Variants in MED13 observed in about 807,000 individuals in gnomAD.
MED13 encodes mediator of RNA polymerase II transcription subunit 13.
A neutral mutation model predicts 225.2 loss-of-function variants in MED13; 23 were observed. That is an observed-to-expected ratio of 0.10 (90% CI 0.07 to 0.14). The LOEUF (loss-of-function observed/expected upper bound fraction) is 0.14. Among genes scored for constraint, MED13 ranks in the 10% least tolerant of loss-of-function variants. MED13 has a pLI of 1.00. For missense variants in MED13, 2,197 were observed against 2,594.5 expected, an observed-to-expected ratio of 0.85 and a Z score of 3.33; for synonymous variants, 942 against 889.2, an observed-to-expected ratio of 1.06 and a Z score of -1.06.
chr17:62,042,559 TCAAAAAAAAAAAAAAAAAAAAC>T (rs1420170644), intron 3 of MED13, among the ~76,000 whole-genome samples: 1 of 50,378 alleles, frequency 2.0e-5, no homozygotes, highest in Non-Finnish European at 3.2e-5. Context: ...AGGTTTCATC[TCAAAAAAAAAAAAAAAAAAAAC>T]CAAAAAAACC....
intron 3 of MED13, 55 bp from the exon 4 acceptor site, chr17:62,035,663 A>G (rs1250045563): frequency 2.0e-6 from 3 of 1,524,768 alleles, no homozygotes; most frequent in Middle Eastern, 3.6e-4. Context: ...AAAAATGTTA[A>G]CTTGCTTTTC....
At position 61,964,494 on chromosome 17, in the gene MED13, G is replaced by A. The variant is rs1249495937; in HGVS notation, c.4844+512C>T. 4.6e-5 allele frequency among the ~76,000 whole-genome samples: 7 copies of A among 152,160 alleles called. No individual in the cohort carries two copies. In the East Asian group the frequency reaches 1.3e-3, roughly 29 times the overall value. On this transcript the variant is annotated intron_variant, in intron 20 of 29. Coordinates refer to ENST00000397786, the MANE Select transcript of MED13 (RefSeq NM_005121.3). ...GTGGGAGGATCACCTGAGCCCAGGA[G>A]GTCGAGGCTGCAGTGAGCCGTGATC...
chr17:61,962,649 G>T, intron 21 of MED13, 103 bp downstream of exon 21: 7 of 886,496 alleles, frequency 7.9e-6, no homozygotes, highest in Admixed American at 2.4e-5. Context: ...ATAGAACTTG[G>T]CTTTTAGATA....
intron 2 of MED13, among the ~76,000 whole-genome samples, chr17:62,053,589 TCTAA>T (rs1223102307): frequency 3.4e-4 from 52 of 152,332 alleles, no homozygotes; most frequent in African/African-American, 1.2e-3. Flanking sequence ...ACTTCAGCAC[TCTAA>T]CTTTCATTAC....
intron 23 of MED13, among the ~76,000 whole-genome samples, chr17:61,958,155 C>T (rs1432041840): frequency 2.0e-5 from 3 of 150,762 alleles, no homozygotes; most frequent in African/African-American, 4.9e-5. Context: ...TGAGCCACCG[C>T]GCCCAGCTGG....
At chr17:62,027,270 A>G (rs2080711387) in intron 8 of MED13, among the ~76,000 whole-genome samples, 1 of 152,188 alleles carries the variant, frequency 6.6e-6, no homozygotes, top group African/African-American at 2.4e-5. Flanking sequence ...GAGAGCCCAG[A>G]AATAAGGCTG....
intron 20 of MED13, among the ~76,000 whole-genome samples, chr17:61,964,300 C>T (rs2080034301): frequency 6.6e-6 from 1 of 152,172 alleles, no homozygotes; most frequent in South Asian, 2.1e-4. Context: ...AGGCCGGGTG[C>T]GATAGCTCAT....
chr17:62,010,204 G>A (rs2143584991), intron 9 of MED13, among the ~76,000 whole-genome samples: 1 of 149,398 alleles, frequency 6.7e-6, no homozygotes, highest in African/African-American at 2.5e-5. Context: ...CTGGGTGACA[G>A]AGACTCTGTC....
At chr17:62,048,027 T>G (rs1386967449) in intron 3 of MED13, among the ~76,000 whole-genome samples, 1 of 122,916 alleles carries the variant, frequency 8.1e-6, no homozygotes, top group Non-Finnish European at 1.6e-5. Flanking sequence ...CATATATACA[T>G]ATACATATAC....
intron 16 of MED13, among the ~76,000 whole-genome samples, chr17:61,980,733 AC>A (rs1338677153): frequency 1.3e-5 from 2 of 151,686 alleles, no homozygotes; most frequent in African/African-American, 4.8e-5. Flanking sequence ...CTACTTCCAA[AC>A]CCCAACGCTA....
chr17:62,064,947 A>G (rs1338612158), intron 1 of MED13, among the ~76,000 whole-genome samples, 193 bp downstream of exon 1: 1 of 152,310 alleles, frequency 6.6e-6, no homozygotes, highest in East Asian at 1.9e-4. Flanking sequence ...ACACTCCCCT[A>G]AACAGAGCCC....
chr17:62,033,954 G>A lies in MED13; in HGVS notation c.647C>T (p.Thr216Ile), dbSNP rs772027834. ...VILCPFGLNGTLTGQAFKMSD... is the reference protein window; with the variant it reads ...VILCPFGLNGILTGQAFKMSD... ...CATCTTGAATGCCTGTCCTGTGAGA[G>A]TGCCATTTAGTCCAAATGGGCATAA... The change falls in exon 5 of 30, where the codon ACT becomes ATT. Residue 216 changes from threonine to isoleucine, a missense_variant. Coordinates refer to ENST00000397786, the MANE Select transcript of MED13 (RefSeq NM_005121.3). 6.2e-7 allele frequency: 1 copy of A among 1,613,914 alleles called. No homozygotes were observed. The highest frequency in any genetic ancestry group is 1.1e-5 in the South Asian group (1 of 91,080).
rs532667256 is a variant in MED13, at chr17:62,041,085, T to A, written c.471-5477A>T. Among the ~76,000 whole-genome samples the A allele has an allele frequency of 6.6e-5, 10 of 152,320 alleles. 1 individual carries two copies. In the South Asian group the frequency reaches 2.1e-3, roughly 32 times the overall value. ...ACTTGATGAGAGATATGCAGACCAA[T>A]GTTCATAGCAGCATTATTCACAATA... is the stretch of plus-strand genomic sequence containing the variant. On this transcript the variant is annotated intron_variant, in intron 3 of 29. Coordinates refer to ENST00000397786, the MANE Select transcript of MED13 (RefSeq NM_005121.3).
At chr17:61,996,623 G>A (rs939020632) in intron 9 of MED13, among the ~76,000 whole-genome samples, 5 of 151,892 alleles carry the variant, frequency 3.3e-5, no homozygotes, top group African/African-American at 9.7e-5. Context: ...TGGCCAACTC[G>A]CTCACTTCCT....
At chr17:61,974,827 C>T (rs1162589142) in intron 16 of MED13, among the ~76,000 whole-genome samples, 1 of 151,912 alleles carries the variant, frequency 6.6e-6, no homozygotes, top group African/African-American at 2.4e-5. Context: ...AAAGTTATTT[C>T]AAAAAAGTAA....
At position 62,052,563 on chromosome 17, in the gene MED13, T is replaced by G; in HGVS notation, c.444A>C (p.Glu148Asp). ...RIGKWFVKPY[E>D]KDEKPINKSE... ...TTTTATTTATAGGTTTTTCATCTTTTTCATAAGGCTTTACAAACCACTTGC... is the reference window on the plus strand; with the variant it reads ...TTTTATTTATAGGTTTTTCATCTTTGTCATAAGGCTTTACAAACCACTTGC... The change falls in exon 3 of 30, where the codon GAA (glutamate) becomes GAC (aspartate). Residue 148 changes from glutamate to aspartate, a missense_variant. Around this residue, in one of 12 missense-constraint regions of MED13, gnomAD observed 884 missense variants for 918.5 expected, o/e 0.96. Coordinates refer to ENST00000397786, the MANE Select transcript of MED13 (RefSeq NM_005121.3). 6.3e-7 allele frequency: 1 copy of G among 1,579,904 alleles called. No homozygotes were observed. The highest frequency in any genetic ancestry group is 8.6e-7 in the Non-Finnish European group (1 of 1,164,558).
Position 61,985,792 on chromosome 17 carries a change from G to A in MED13, c.2386-702C>T, listed in dbSNP as rs550901617. The stretch of plus-strand genomic sequence containing the variant: ...GTCTCCTTAAGTTGAACACATTAAA[G>A]TTTCCTATATAATCAATCACTCACC... On this transcript the variant is annotated intron_variant, in intron 12 of 29. Coordinates refer to ENST00000397786, the MANE Select transcript of MED13 (RefSeq NM_005121.3). Among the ~76,000 whole-genome samples the A allele has an allele frequency of 2.6e-5, 4 of 152,298 alleles. No individual in the cohort carries two copies. The East Asian group carries it at 7.7e-4, about 29-fold the overall frequency.
chr17:62,063,039 T>C (rs1164823017), intron 2 of MED13, 28 bp downstream of exon 2: 1 of 1,511,486 alleles, frequency 6.6e-7, no homozygotes, highest in Non-Finnish European at 9.2e-7. Context: ...TGCTATATCA[T>C]TAGTTAGAAA....
intron 9 of MED13, chr17:62,004,897 CTTT>C (rs551492644): frequency 0.28 from 35,411 of 128,316 alleles, 4,291 homozygotes; most frequent in East Asian, 0.67. Context: ...ACATCATTTA[CTTT>C]TTTTTTTTTT....
Sources: gnomAD v4.1 joint callset for allele counts (sites outside exome capture counted in the v4.1 genomes callset) on GRCh38, gnomAD v4.1.1 for gene constraint, gnomAD v4.1.1 regional missense constraint, MANE v1.5 for transcripts, NCBI Gene and HGNC (gene_info 2026-07-23, HGNC 2026-07-21) for gene names.